The following CNTROB variants were observed in gnomAD, a reference collection of about 807,000 sequenced individuals.
CNTROB encodes centrobin.
A neutral mutation model predicts 115.7 loss-of-function variants in CNTROB; 82 were observed. The ratio of observed to expected loss-of-function variants is 0.71; its 90% CI spans 0.59 to 0.85. The LOEUF is 0.85. Ranked by LOEUF, CNTROB falls within the 40% of genes least tolerant of loss-of-function variation. CNTROB has a pLI of 0.00. For synonymous variants in CNTROB, 439 were observed against 456.4 expected, an observed-to-expected ratio of 0.96 and a Z score of 0.49; for missense variants, 1,014 against 1,144.4, an observed-to-expected ratio of 0.89 and a Z score of 1.64.
rs1405675581 is a variant in CNTROB at position 7,933,087 on chromosome 17, C to A, written c.8C>A (p.Thr3Lys). The A allele has an allele frequency of 2.5e-6, 4 of 1,613,706 alleles. No homozygotes were observed. Among genetic ancestry groups the A allele is most frequent in the Non-Finnish European group, 3.4e-6 (4 of 1,179,876 alleles). The change falls in exon 1 of 19, where the codon ACA becomes AAA. Residue 3 changes from threonine (T) to lysine (K), a missense_variant. Coordinates refer to ENST00000563694, the MANE Select transcript of CNTROB (RefSeq NM_053051.5). ...TGTCTCTTCCCTGTATTCATGGCAA[C>A]ATCAGCTGACAGCCCCAGTTCACCC... MA[T>K]SADSPSSPLG... is the part of the protein sequence containing the mutation.
Position 7,945,827 on chromosome 17 carries a change from G to A in CNTROB, c.1834G>A (p.Val612Ile). The change falls in exon 13 of 19, where the codon GTA becomes ATA. Residue 612 changes from valine (V) to isoleucine (I), a missense_variant. Val to Ile is a conservative substitution (Grantham distance 29). Transcript: ENST00000563694. ...MPPMAVALKPVLQQSREARDE... is the reference protein window; with the variant it reads ...MPPMAVALKPILQQSREARDE... ...TCCCATGGCCGTGGCCCTGAAGCCT[G>A]TATTGCAGCAGAGCCGGGAAGCAAG... is the stretch of plus-strand genomic sequence containing the variant. The A allele has an allele frequency of 1.2e-6, 2 of 1,614,234 alleles. No individual in the cohort carries two copies. The highest frequency in any genetic ancestry group is 1.7e-6 in the Non-Finnish European group (2 of 1,180,034).
intron 7 of CNTROB, among the ~76,000 whole-genome samples, chr17:7,937,569 C>T (rs1418122547): frequency 6.6e-6 from 1 of 152,042 alleles, no homozygotes; most frequent in Non-Finnish European, 1.5e-5. Flanking sequence ...TTTGGGAGGC[C>T]AAGGCAGGCA....
chr17:7,940,683 G>T (rs1973751413), intron 9 of CNTROB, among the ~76,000 whole-genome samples: 1 of 152,162 alleles, frequency 6.6e-6, no homozygotes, highest in Non-Finnish European at 1.5e-5. Context: ...ATTTACTTAT[G>T]AAACTTCCAT....
chr17:7,936,365 GC>G lies in CNTROB; in HGVS notation c.595del (p.His199IlefsTer14), dbSNP rs1487956424. The G allele has an allele frequency of 7.7e-7, 1 of 1,291,848 alleles. No individual in the cohort carries two copies. Among genetic ancestry groups the G allele is most frequent in the South Asian group, 1.2e-5 (1 of 84,564 alleles). 80.0% of individuals were successfully genotyped at this position (1,291,848 alleles called of 1,614,324 possible). ...CCCAGACTCCTCACCCTTTTCCCCA[GC>G]ATTGTGAGCGCCATATTCAGAGCCT... ...ALDSEHTRRK[H>X]CERHIQSLQT... is the part of the protein sequence containing the mutation. On this transcript the variant is annotated frameshift_variant and splice_region_variant, in exon 5 of 19. Transcript: ENST00000563694. LOFTEE classifies it high-confidence loss of function.
rs753002955 is a variant in CNTROB, at chr17:7,943,459, A to C, written c.1380A>C (p.Thr460=). ...CTGTGCAGCTGGAGCAGCGGGTGAC[A>C]GAGCGGCTGGCGCAGGCTCAGGAGA... is the stretch of plus-strand genomic sequence containing the variant. ...ELAVQLEQRV[T]ERLAQAQESS... The change falls in exon 10 of 19, where the codon ACA becomes ACC. Residue 460 remains threonine (T), a synonymous_variant. Coordinates refer to ENST00000563694, the MANE Select transcript of CNTROB (RefSeq NM_053051.5). This position sits in a 1 kb window ranked among gnomAD's most constrained non-coding sequence, Gnocchi z 4.7. 14 of 1,613,672 alleles carry C rather than the reference A, an allele frequency of 8.7e-6. No individual in the cohort carries two copies. The highest frequency in any genetic ancestry group is 1.2e-5 in the Non-Finnish European group (14 of 1,179,792).
rs534828621 is a variant in CNTROB at position 7,939,055 on chromosome 17, A to G, written c.928-458A>G. On this transcript the variant is annotated intron_variant, in intron 7 of 18. Transcript: ENST00000563694. The surrounding 1 kb of genome is among the most constrained non-coding windows in gnomAD (Gnocchi z 4.4). ...CAGCCTCCCAAAGTGCTGGGATTAC[A>G]GGCATGAGCCACTGCGCCTGTCAAC... Among the ~76,000 whole-genome samples, 1 of 152,034 alleles carries G rather than the reference A, an allele frequency of 6.6e-6. No homozygotes were observed. The highest frequency in any genetic ancestry group is 2.1e-4 in the South Asian group (1 of 4,822).
At chr17:7,936,032 T>G (rs1973127642) in intron 4 of CNTROB, 2 of 250,010 alleles carry the variant, frequency 8.0e-6, no homozygotes, top group African/African-American at 4.5e-5. Flanking sequence ...CCAATGAGCT[T>G]CTGAAGGTAG....
In CNTROB at chr17:7,947,934, C is replaced by G; in HGVS notation, c.2164C>G (p.Gln722Glu). The change falls in exon 15 of 19, where the codon CAG becomes GAG. Residue 722 changes from glutamine to glutamate, a missense_variant. By Grantham distance (29) the Gln-to-Glu change is conservative (BLOSUM62 2). Transcript: ENST00000563694. ...CCCACAGTTGCTGGAGACAGTGCCC[C>G]AGAACAATGAGAACCCTTCTGTCGA... ...FLHQLLETVP[Q>E]NNENPSVDLL... is the part of the protein sequence containing the mutation. The G allele has an allele frequency of 1.2e-6, 2 of 1,614,108 alleles. No homozygotes were observed. Among genetic ancestry groups the G allele is most frequent in the Non-Finnish European group, 1.7e-6 (2 of 1,179,996 alleles).
In CNTROB at chr17:7,949,417, T is replaced by C; in HGVS notation, c.2619T>C (p.Ala873=). Residue 873 remains alanine, a synonymous_variant, in exon 19 of 19, where the codon GCT becomes GCC. Coordinates refer to ENST00000563694, the MANE Select transcript of CNTROB (RefSeq NM_053051.5). The part of the protein sequence containing the change: ...IPSQAVPRRL[A]TAPKTEKPPA... ...CCCAGGCTGTCCCTCGCCGCCTTGCTACAGCCCCCAAGACTGAAAAACCTC... is the reference window on the plus strand; with the variant it reads ...CCCAGGCTGTCCCTCGCCGCCTTGCCACAGCCCCCAAGACTGAAAAACCTC... The C allele has an allele frequency of 3.1e-6, 5 of 1,614,118 alleles. No homozygotes were observed. Among genetic ancestry groups the C allele is most frequent in the Non-Finnish European group, 4.2e-6 (5 of 1,180,010 alleles).
rs1227227157 is a variant in CNTROB at position 7,943,352 on chromosome 17, A to G, written c.1312-39A>G. 10 of 1,557,674 alleles carry G rather than the reference A, an allele frequency of 6.4e-6. No individual in the cohort carries two copies. The highest frequency in any genetic ancestry group is 8.8e-6 in the Non-Finnish European group (10 of 1,133,556). On this transcript the variant is annotated intron_variant, in intron 9 of 18. Transcript: ENST00000563694. The surrounding 1 kb of genome is among the most constrained non-coding windows in gnomAD (Gnocchi z 4.7). The stretch of plus-strand genomic sequence containing the variant: ...TATCCTCCATCCTCTTCTAAGCCCA[A>G]ACAGATTTGGGCCGTTATCCCACCT...
Position 7,944,125 on chromosome 17 carries a change from A to C in CNTROB, c.1448A>C (p.Lys483Thr). Residue 483 changes from lysine to threonine, a missense_variant and splice_region_variant, in exon 11 of 19, where the codon AAG (lysine) becomes ACG (threonine). Lys to Thr is a moderately conservative substitution (Grantham distance 78). Transcript: ENST00000563694. The surrounding 1 kb of genome is among the most constrained non-coding windows in gnomAD (Gnocchi z 4.0). ...CTTCTCCTACCTGTGCCCTGTAGGA[A>C]GCAGCTGCAGGACCTGAGTGGACAG... Reference protein sequence around the residue: ...QAASLREHHRKQLQDLSGQHQ... With the variant: ...QAASLREHHRTQLQDLSGQHQ... 6.2e-7 allele frequency: 1 copy of C among 1,604,426 alleles called. No individual in the cohort carries two copies. The highest frequency in any genetic ancestry group is 1.1e-5 in the South Asian group (1 of 90,878).
chr17:7,948,453 G>A lies in CNTROB; in HGVS notation c.2381-34G>A. 2 of 1,612,620 alleles carry A rather than the reference G, an allele frequency of 1.2e-6. No homozygotes were observed. Among genetic ancestry groups the A allele is most frequent in the Non-Finnish European group, 1.7e-6 (2 of 1,178,706 alleles). ...CTGAGGGCTGGGGAGACAGGCCCTA[G>A]GATGACGCCTGTGATTATTGCGATG... On this transcript the variant is annotated intron_variant, in intron 16 of 18. Coordinates refer to ENST00000563694, the MANE Select transcript of CNTROB (RefSeq NM_053051.5). The surrounding 1 kb of genome is among the most constrained non-coding windows in gnomAD (Gnocchi z 4.4).
chr17:7,948,897 C>T lies in CNTROB; in HGVS notation c.2514-188C>T, dbSNP rs139487025. On this transcript the variant is annotated intron_variant, in intron 17 of 18. Coordinates refer to ENST00000563694, the MANE Select transcript of CNTROB (RefSeq NM_053051.5). The surrounding 1 kb of genome is among the most constrained non-coding windows in gnomAD (Gnocchi z 4.4). Reference sequence around the variant, plus strand: ...ACCCCTCAGCTCAAAACTCAGAATCCTAGACTTTTGACTAGCTAGTGTAAC... The same window carrying T: ...ACCCCTCAGCTCAAAACTCAGAATCTTAGACTTTTGACTAGCTAGTGTAAC... The T allele has an allele frequency of 5.5e-4, 806 of 1,466,952 alleles. 16 individuals are homozygous for T. In the East Asian group the frequency reaches 0.02, roughly 36 times the overall value. 90.9% of individuals were successfully genotyped at this position (1,466,952 alleles called of 1,614,324 possible).
chr17:7,936,999 A>G (rs1290056185), intron 6 of CNTROB, among the ~76,000 whole-genome samples, 165 bp from the exon 7 acceptor site: 2 of 152,156 alleles, frequency 1.3e-5, no homozygotes, highest in African/African-American at 2.4e-5. Context: ...TCCAACTTGA[A>G]TCATCAATGT....
At chr17:7,937,111 C>A in intron 6 of CNTROB, 53 bp from the exon 7 acceptor site, 2 of 1,601,402 alleles carry the variant, frequency 1.2e-6, no homozygotes, top group South Asian at 1.1e-5. Context: ...TAAAATATAG[C>A]ACACACAGAT....
Position 7,939,891 on chromosome 17 carries a change from A to G in CNTROB, c.1164+142A>G. Reference sequence around the variant, plus strand: ...GAGCCATGTGTGGGAGACAAGGTTGAGAGTATAGGGCCAGCAGGAAGGGCT... The same window carrying G: ...GAGCCATGTGTGGGAGACAAGGTTGGGAGTATAGGGCCAGCAGGAAGGGCT... On this transcript the variant is annotated intron_variant, in intron 8 of 18. Transcript: ENST00000563694. The surrounding 1 kb of genome is among the most constrained non-coding windows in gnomAD (Gnocchi z 4.4). 3 of 1,048,286 alleles carry G rather than the reference A, an allele frequency of 2.9e-6. No homozygotes were observed. Among genetic ancestry groups the G allele is most frequent in the Non-Finnish European group, 4.2e-6 (3 of 710,756 alleles). The allele number at this position is 1,048,286 out of a possible 1,614,324, so 64.9% of individuals were successfully genotyped here. A position where few individuals can be genotyped will look rare whatever the true frequency, so the allele number is the denominator to read the frequency against.
In CNTROB at chr17:7,939,086, T is replaced by C. The variant is rs888354865; in HGVS notation, c.928-427T>C. On this transcript the variant is annotated intron_variant, in intron 7 of 18. Transcript: ENST00000563694. This position sits in a 1 kb window ranked among gnomAD's most constrained non-coding sequence, Gnocchi z 4.4. ...GAGCCACTGCGCCTGTCAACTATTG[T>C]GGGGTTTCTTTTGGTTTTATTTGAG... Among the ~76,000 whole-genome samples the C allele has an allele frequency of 9.3e-5, 14 of 151,198 alleles. No individual in the cohort carries two copies. Among genetic ancestry groups the C allele is most frequent in the Non-Finnish European group, 1.9e-4 (13 of 67,890 alleles).
intron 3 of CNTROB, 25 bp downstream of exon 3, chr17:7,934,571 A>G (rs768285556): frequency 6.3e-7 from 1 of 1,590,146 alleles, no homozygotes; most frequent in Non-Finnish European, 8.6e-7. Flanking sequence ...TGGTTCTCCT[A>G]GCTTGTTTGC....
rs139714738 is a variant in CNTROB, at chr17:7,943,053, G to A, written c.1312-338G>A. On this transcript the variant is annotated intron_variant, in intron 9 of 18. Coordinates refer to ENST00000563694, the MANE Select transcript of CNTROB (RefSeq NM_053051.5). This position sits in a 1 kb window ranked among gnomAD's most constrained non-coding sequence, Gnocchi z 4.7. ...CCTGACCTCGTGATCCGCCCGTCTC[G>A]GCCTCCCAAAGTGCTAGGATTACAG... 8.6e-3 allele frequency among the ~76,000 whole-genome samples: 1,300 copies of A among 151,616 alleles called. 16 individuals carry two copies. Among genetic ancestry groups the A allele is most frequent in the African/African-American group, 0.028 (1,171 of 41,320 alleles).
Sources: gnomAD v4.1 joint callset for allele counts (sites outside exome capture counted in the v4.1 genomes callset) on GRCh38, gnomAD v4.1.1 for gene constraint, Gnocchi (gnomAD v3.1) non-coding constraint, MANE v1.5 for transcripts, NCBI Gene and HGNC (gene_info 2026-07-23, HGNC 2026-07-21) for gene names.